Variants in SPEN observed in about 807,000 individuals in gnomAD.
SPEN encodes the protein msx2-interacting protein.
Under a neutral mutation model 269.9 loss-of-function variants are expected in SPEN, and 18 were observed. The ratio of observed to expected loss-of-function variants is 0.07; its 90% CI spans 0.05 to 0.10. SPEN has a LOEUF of 0.10. Ranked by LOEUF, SPEN falls within the 10% of genes least tolerant of loss-of-function variation. The pLI, the probability that SPEN is intolerant of heterozygous loss-of-function variation, is 1.00. For missense variants in SPEN, 3,822 were observed against 4,631.2 expected, an observed-to-expected ratio of 0.83 and a Z score of 5.07; for synonymous variants, 1,726 against 1,765.7, an observed-to-expected ratio of 0.98 and a Z score of 0.56.
chr1:15,871,046 G>A (rs569448302), intron 1 of SPEN, among the ~76,000 whole-genome samples: 15 of 151,782 alleles, frequency 9.9e-5, no homozygotes, highest in African/African-American at 3.6e-4. Context: ...GGCCCACTGC[G>A]TCCTCACCGC....
At chr1:15,874,450 C>G in intron 2 of SPEN, 1 of 1,256,272 alleles carries the variant, frequency 8.0e-7, no homozygotes, top group Non-Finnish European at 1.0e-6. Context: ...AAGTCAAACT[C>G]TCTTTTTTTC....
intron 2 of SPEN, chr1:15,873,606 A>G (rs1019513185): frequency 2.0e-6 from 2 of 994,142 alleles, no homozygotes; most frequent in African/African-American, 3.5e-5. Flanking sequence ...ATTGGATTGT[A>G]ACAAAAAATC....
At chr1:15,891,993 T>G (rs2070794024) in intron 3 of SPEN, among the ~76,000 whole-genome samples, 4 of 148,964 alleles carry the variant, frequency 2.7e-5, no homozygotes, top group Admixed American at 2.1e-4. Context: ...ACTACATTAA[T>G]TACATCTGTT....
intron 6 of SPEN, 132 bp from the exon 7 acceptor site, chr1:15,918,794 C>T: frequency 1.5e-6 from 1 of 662,794 alleles, no homozygotes; most frequent in Non-Finnish European, 2.5e-6. Flanking sequence ...TTAAGGTGTA[C>T]AGTTTTTTTA....
chr1:15,849,367 A>G (rs907590204), intron 1 of SPEN, among the ~76,000 whole-genome samples: 3 of 152,274 alleles, frequency 2.0e-5, no homozygotes, highest in African/African-American at 7.2e-5. Context: ...GGATAAGGAA[A>G]TGGAAGCAGC....
At chr1:15,914,621 G>A (rs567617651) in intron 5 of SPEN, among the ~76,000 whole-genome samples, 1 of 152,204 alleles carries the variant, frequency 6.6e-6, no homozygotes, top group East Asian at 1.9e-4. Flanking sequence ...TCAGGAGTTC[G>A]AGAGTAGCCT....
intron 1 of SPEN, among the ~76,000 whole-genome samples, chr1:15,862,186 G>A (rs6701290): frequency 0.85 from 128,668 of 152,246 alleles, 54,661 homozygotes; most frequent in Middle Eastern, 0.91. Context: ...TGTAGCCTTC[G>A]TGTTTGGATC....
chr1:15,866,585 C>T (rs1479250442), intron 1 of SPEN, among the ~76,000 whole-genome samples: 3 of 152,148 alleles, frequency 2.0e-5, no homozygotes, highest in African/African-American at 7.2e-5. Flanking sequence ...GATCTACTGA[C>T]CTCGTGATCT....
chr1:15,870,920 A>G (rs1460435000), intron 1 of SPEN, among the ~76,000 whole-genome samples: 1 of 152,204 alleles, frequency 6.6e-6, no homozygotes, highest in African/African-American at 2.4e-5. Context: ...AATTGTAAAT[A>G]AATGTCATGA....
chr1:15,911,249 A>G lies in SPEN; in HGVS notation c.1191A>G (p.Lys397=), dbSNP rs769591531. ...EDQEKALTAS[K]GKLFFGMQIE... The stretch of plus-strand genomic sequence containing the variant: ...AAGAAAAAGCCTTGACTGCATCAAA[A>G]GGAAAACTTTTCTTTGGCATGCAGA... Residue 397 remains lysine (K), a synonymous_variant, in exon 5 of 15, where the codon AAA becomes AAG. Transcript: ENST00000375759. 17 of 1,614,166 alleles carry G rather than the reference A, an allele frequency of 1.1e-5. No individual in the cohort carries two copies. The highest frequency in any genetic ancestry group is 1.4e-5 in the Non-Finnish European group (17 of 1,180,022).
In SPEN at chr1:15,929,950, T is replaced by C. The variant is rs149086318; in HGVS notation, c.3710T>C (p.Ile1237Thr). 5.0e-6 allele frequency: 8 copies of C among 1,614,120 alleles called. No individual in the cohort carries two copies. Among genetic ancestry groups the C allele is most frequent in the East Asian group, 4.5e-5 (2 of 44,886 alleles). ...AGGATGGATCATGTCGATTTTGATA[T>C]CTGCACCAAGCGAGAACGGAATTAC... is the stretch of plus-strand genomic sequence containing the variant. ...KKRMDHVDFD[I>T]CTKRERNYRS... Residue 1237 changes from isoleucine to threonine, a missense_variant, in exon 11 of 15, where the codon ATC (isoleucine) becomes ACC (threonine). Physicochemically the swap from Ile to Thr is moderately conservative, Grantham distance 89. Transcript: ENST00000375759. This position sits in a 1 kb window ranked among gnomAD's most constrained non-coding sequence, Gnocchi z 5.8.
Position 15,930,626 on chromosome 1 carries a change from G to T in SPEN, c.4386G>T (p.Trp1462Cys), listed in dbSNP as rs1458093267. 1 of 1,613,974 alleles carries T rather than the reference G, an allele frequency of 6.2e-7. No homozygotes were observed. The highest frequency in any genetic ancestry group is 1.7e-5 in the Admixed American group (1 of 59,994). The stretch of plus-strand genomic sequence containing the variant: ...TCTCTTCATCTCGTGAAGAAAATTG[G>T]TCTTTTCTTGATTGGGACTCCCGAT... The part of the protein sequence containing the change: ...KSLSSSREEN[W>C]SFLDWDSRFA... Residue 1462 changes from tryptophan to cysteine, a missense_variant, in exon 11 of 15, where the codon TGG becomes TGT. Transcript: ENST00000375759. The surrounding 1 kb of genome is among the most constrained non-coding windows in gnomAD (Gnocchi z 5.3).
chr1:15,879,129 G>C (rs890491663), intron 3 of SPEN, among the ~76,000 whole-genome samples: 1 of 151,730 alleles, frequency 6.6e-6, no homozygotes, highest in East Asian at 1.9e-4. Context: ...ACTTGAGGTC[G>C]GTCAGGAGTT....
chr1:15,877,189 G>C (rs1024774942), intron 3 of SPEN, among the ~76,000 whole-genome samples: 3 of 152,108 alleles, frequency 2.0e-5, no homozygotes, highest in African/African-American at 7.2e-5. Context: ...ATAAACTCAA[G>C]TAGAAAAGCT....
intron 5 of SPEN, among the ~76,000 whole-genome samples, chr1:15,915,357 C>T (rs1260059324): frequency 1.3e-5 from 2 of 152,006 alleles, no homozygotes; most frequent in African/African-American, 4.8e-5. Flanking sequence ...GGCATGGTGG[C>T]ATGCACTGGT....
chr1:15,865,129 G>A (rs1447690069), intron 1 of SPEN, among the ~76,000 whole-genome samples: 5 of 151,656 alleles, frequency 3.3e-5, no homozygotes, highest in Non-Finnish European at 5.9e-5. Context: ...TCAGCTTACC[G>A]CAACCTCCGC....
At chr1:15,920,193 T>G (rs1364676576) in intron 8 of SPEN, among the ~76,000 whole-genome samples, 7 of 152,126 alleles carry the variant, frequency 4.6e-5, no homozygotes, top group African/African-American at 1.7e-4. Context: ...CCTCAGCCTC[T>G]TGAATAGCTG....
chr1:15,937,439 G>A lies in SPEN; in HGVS notation c.10303G>A (p.Val3435Met). 1.9e-6 allele frequency: 3 copies of A among 1,613,698 alleles called. No individual in the cohort carries two copies. Among genetic ancestry groups the A allele is most frequent in the Non-Finnish European group, 2.5e-6 (3 of 1,179,996 alleles). Residue 3435 changes from valine to methionine, a missense_variant, in exon 12 of 15, where the codon GTG becomes ATG. Physicochemically the swap from Val to Met is conservative, Grantham distance 21. Around this residue, in one of 16 missense-constraint regions of SPEN, gnomAD observed 359 missense variants for 377.3 expected, o/e 0.95. Transcript: ENST00000375759. This position sits in a 1 kb window ranked among gnomAD's most constrained non-coding sequence, Gnocchi z 5.7. ...ETGPTSFPSP[V>M]SVSMKPDLPV... ...AGGCCCGACTTCCTTCCCCTCCCCT[G>A]TGTCTGTCTCCATGAAGCCTGACCT...
rs201611317 is a variant in SPEN, at chr1:15,931,172, C to A, written c.4932C>A (p.Val1644=). Reference sequence around the variant, plus strand: ...CCGTTGGGCCTCCAAGTGTCACAGTCGTAACTCTAGAATCAGCCCCATCAG... The same window carrying A: ...CCGTTGGGCCTCCAAGTGTCACAGTAGTAACTCTAGAATCAGCCCCATCAG... The part of the protein sequence containing the change: ...PPSVGPPSVT[V]VTLESAPSAL... The change falls in exon 11 of 15, where the codon GTC becomes GTA. Residue 1644 remains valine (V), a synonymous_variant. Coordinates refer to ENST00000375759, the MANE Select transcript of SPEN (RefSeq NM_015001.3). The surrounding 1 kb of genome is among the most constrained non-coding windows in gnomAD (Gnocchi z 4.8). 2.5e-6 allele frequency: 4 copies of A among 1,614,140 alleles called. No individual in the cohort carries two copies. Among genetic ancestry groups the A allele is most frequent in the South Asian group, 2.2e-5 (2 of 91,060 alleles).
Sources: allele counts gnomAD v4.1 joint callset (sites outside exome capture counted in the v4.1 genomes callset), GRCh38; gene constraint gnomAD v4.1.1; regional missense constraint gnomAD v4.1.1; non-coding constraint Gnocchi (gnomAD v3.1); transcripts MANE v1.5; gene names NCBI Gene and HGNC (gene_info 2026-07-23, HGNC 2026-07-21).